PDCD5: variants seen among roughly 807,000 people sequenced by gnomAD.
PDCD5 encodes the protein programmed cell death 5, also known as programmed cell death protein 5.
In PDCD5, 23 loss-of-function variants were observed where a neutral mutation model predicts 21.9. That is an observed-to-expected ratio of 1.05 (90% CI 0.76 to 1.49). PDCD5 has a LOEUF of 1.49. Ranked by LOEUF, PDCD5 falls within the 40% of genes most tolerant of loss-of-function variation. The pLI is 0.00. For synonymous variants in PDCD5, 45 were observed against 49.4 expected (o/e 0.91, Z 0.37); for missense variants, 152 against 147.7 (o/e 1.03, Z -0.15).
chr19:32,581,359 CTCGCGGGGCG>C, intron 1 of PDCD5, 32 bp downstream of exon 1: 1 of 1,446,342 alleles, frequency 6.9e-7, no homozygotes. Context: ...AGGCTTGGCC[CTCGCGGGGCG>C]CCGCCCTCGC....
intron 5 of PDCD5, 78 bp downstream of exon 5, chr19:32,587,007 C>T (rs1971483834): frequency 8.2e-7 from 1 of 1,213,510 alleles, no homozygotes; most frequent in African/African-American, 1.5e-5. Flanking sequence ...ATCTACCACA[C>T]ATATTTTTCA....
chr19:32,582,323 ATTTTT>A, intron 2 of PDCD5, 91 bp downstream of exon 2: 1 of 1,188,782 alleles, frequency 8.4e-7, no homozygotes, highest in Non-Finnish European at 1.2e-6. Context: ...TGTGACTCAG[ATTTTT>A]TTGTTTTGCT....
chr19:32,586,120 T>G, intron 4 of PDCD5: 2 of 1,513,992 alleles, frequency 1.3e-6, no homozygotes, highest in Non-Finnish European at 1.8e-6. Flanking sequence ...CTCTGGAACC[T>G]TGTTGGTGTC....
In PDCD5 at chr19:32,587,235, AT is replaced by A. The variant is rs1188597659; in HGVS notation, c.331-15del. On this transcript the variant is annotated splice_polypyrimidine_tract_variant and intron_variant, in intron 5 of 5. Transcript: ENST00000590247. ...CTTTATTAGAAATGTTCTGACACTC[AT>A]TTAATTTTCCTCCCAGTTCAACAGA... 2 of 1,564,832 alleles carry A rather than the reference AT, an allele frequency of 1.3e-6. No homozygotes were observed. Among genetic ancestry groups the A allele is most frequent in the East Asian group, 2.2e-5 (1 of 44,654 alleles).
chr19:32,584,883 C>A, intron 2 of PDCD5, 67 bp from the exon 3 acceptor site: 1 of 1,308,150 alleles, frequency 7.6e-7, no homozygotes, highest in Non-Finnish European at 1.1e-6. Context: ...TGGGTTCTTT[C>A]TCGTATGTTA....
At position 32,581,214 on chromosome 19, in the gene PDCD5, G is replaced by C; in HGVS notation, c.-48G>C. On this transcript the variant is annotated 5_prime_UTR_variant, in exon 1 of 6. Transcript: ENST00000590247. ...CAGTGGTCAAGGCCGCGCTCGCGCCGAGGGGCTGCGAGAGTGACCGCGGCT... is the reference window on the plus strand; with the variant it reads ...CAGTGGTCAAGGCCGCGCTCGCGCCCAGGGGCTGCGAGAGTGACCGCGGCT... 3 of 1,386,094 alleles carry C rather than the reference G, an allele frequency of 2.2e-6. No homozygotes were observed. The highest frequency in any genetic ancestry group is 1.5e-5 in the African/African-American group (1 of 66,812). 85.9% of individuals were successfully genotyped at this position (1,386,094 alleles called of 1,614,324 possible). A position where few individuals can be genotyped will look rare whatever the true frequency, so the allele number is the denominator to read the frequency against.
chr19:32,582,094 C>G, intron 1 of PDCD5, 101 bp from the exon 2 acceptor site: 1 of 780,724 alleles, frequency 1.3e-6, no homozygotes, highest in Non-Finnish European at 2.2e-6. Flanking sequence ...TTGTTTCTAC[C>G]ACCGCAAGAG....
Position 32,584,965 on chromosome 19 carries a change from A to G in PDCD5, c.120A>G (p.Arg40=). The G allele has an allele frequency of 6.2e-7, 1 of 1,613,868 alleles. No homozygotes were observed. The highest frequency in any genetic ancestry group is 8.5e-7 in the Non-Finnish European group (1 of 1,179,730). ...TTCGTTGTAGGGAAGCAGAAATGAG[A>G]AACAGTATCTTAGCCCAAGTTCTGG... ...QEAKHREAEM[R]NSILAQVLDQ... is the part of the protein sequence containing the mutation. Residue 40 remains arginine (R), a synonymous_variant, in exon 3 of 6, where the codon AGA becomes AGG. Transcript: ENST00000590247.
At chr19:32,584,365 A>G (rs1056593559) in intron 2 of PDCD5, among the ~76,000 whole-genome samples, 4 of 152,362 alleles carry the variant, frequency 2.6e-5, no homozygotes, top group South Asian at 2.1e-4. Context: ...AAACAAGTCC[A>G]TGAGACCACT....
chr19:32,581,340 G>C lies in PDCD5; in HGVS notation c.66+13G>C. ...GGCCAAACACGGGGTGAGCGCATCAGCCCCCGCCAGGCTTGGCCCTCGCGG... is the reference window on the plus strand; with the variant it reads ...GGCCAAACACGGGGTGAGCGCATCACCCCCCGCCAGGCTTGGCCCTCGCGG... On this transcript the variant is annotated intron_variant, in intron 1 of 5. Transcript: ENST00000590247. The C allele has an allele frequency of 6.8e-7, 1 of 1,479,084 alleles. No homozygotes were observed. The allele number at this position is 1,479,084 out of a possible 1,614,324, so 91.6% of individuals were successfully genotyped here.
Position 32,581,241 on chromosome 19 carries a change from C to A in PDCD5, c.-21C>A. ...GGGGCTGCGAGAGTGACCGCGGCTGCTCCAGCGCTGACGCCGAGCCATGGC... is the reference window on the plus strand; with the variant it reads ...GGGGCTGCGAGAGTGACCGCGGCTGATCCAGCGCTGACGCCGAGCCATGGC... On this transcript the variant is annotated 5_prime_UTR_variant, in exon 1 of 6. Transcript: ENST00000590247. 6.7e-7 allele frequency: 1 copy of A among 1,491,672 alleles called. No individual in the cohort carries two copies. The highest frequency in any genetic ancestry group is 2.8e-5 in the East Asian group (1 of 35,776). 92.4% of individuals were successfully genotyped at this position (1,491,672 alleles called of 1,614,324 possible).
intron 3 of PDCD5, 102 bp downstream of exon 3, chr19:32,585,113 C>A (rs1356459634): frequency 2.3e-6 from 2 of 864,976 alleles, no homozygotes; most frequent in Non-Finnish European, 2.0e-6. Context: ...TTTGCTTAGG[C>A]TGAAAACACT....
intron 4 of PDCD5, chr19:32,586,467 G>A (rs757621258): frequency 3.4e-5 from 38 of 1,103,354 alleles, no homozygotes; most frequent in Non-Finnish European, 4.2e-5. Flanking sequence ...GATCTTTTCC[G>A]AGTGTGACTT....
intron 5 of PDCD5, 86 bp downstream of exon 5, chr19:32,587,015 T>TC: frequency 8.4e-7 from 1 of 1,193,772 alleles, no homozygotes; most frequent in South Asian, 1.4e-5. Flanking sequence ...CACATATTTT[T>TC]CAGCCCAGAG....
Position 32,584,935 on chromosome 19 carries a change from A to G in PDCD5, c.105-15A>G, listed in dbSNP as rs374818309. Reference sequence around the variant, plus strand: ...GCTGTGTTTTAATTGTGTTTGACCTATGTTTTCGTTGTAGGGAAGCAGAAA... The same window carrying G: ...GCTGTGTTTTAATTGTGTTTGACCTGTGTTTTCGTTGTAGGGAAGCAGAAA... On this transcript the variant is annotated splice_polypyrimidine_tract_variant and intron_variant, in intron 2 of 5. Transcript: ENST00000590247. 35 of 1,609,280 alleles carry G rather than the reference A, an allele frequency of 2.2e-5. No individual in the cohort carries two copies. The African/African-American group carries it at 2.5e-4, about 12-fold the overall frequency.
rs1430894630 is a variant in PDCD5 at position 32,586,854 on chromosome 19, C to T, written c.259-4C>T. 1 of 1,600,056 alleles carries T rather than the reference C, an allele frequency of 6.2e-7. No homozygotes were observed. ...GTTTTTCTTATCTTTTCTGGTTCTC[C>T]TAGGTATCAGAACAAGGTTTAATAG... On this transcript the variant is annotated splice_polypyrimidine_tract_variant and splice_region_variant and intron_variant, in intron 4 of 5. Coordinates refer to ENST00000590247, the MANE Select transcript of PDCD5 (RefSeq NM_004708.4).
chr19:32,584,787 A>T, intron 2 of PDCD5, 163 bp from the exon 3 acceptor site: 1 of 638,630 alleles, frequency 1.6e-6, no homozygotes, highest in Non-Finnish European at 2.8e-6. Flanking sequence ...AGGGGATTCT[A>T]CTTGAATGTA....
intron 2 of PDCD5, among the ~76,000 whole-genome samples, chr19:32,584,443 A>T (rs1267775428): frequency 6.6e-6 from 1 of 152,200 alleles, no homozygotes; most frequent in Non-Finnish European, 1.5e-5. Flanking sequence ...GCAAAGTTAT[A>T]ATTTCATTCC....
Position 32,582,315 on chromosome 19 carries a change from T to C in PDCD5, c.104+83T>C, listed in dbSNP as rs182585250. 19 of 1,240,450 alleles carry C rather than the reference T, an allele frequency of 1.5e-5. No homozygotes were observed. The African/African-American group carries it at 1.9e-4, about 13-fold the overall frequency. The allele number at this position is 1,240,450 out of a possible 1,614,324, so 76.8% of individuals were successfully genotyped here. A position where few individuals can be genotyped will look rare whatever the true frequency, so the allele number is the denominator to read the frequency against. On this transcript the variant is annotated intron_variant, in intron 2 of 5. Transcript: ENST00000590247. ...GCTGTAGTTATTTTAAGCAGGTGTG[T>C]GACTCAGATTTTTTTGTTTTGCTGG...
Sources: gnomAD v4.1 joint callset for allele counts (sites outside exome capture counted in the v4.1 genomes callset) on GRCh38, gnomAD v4.1.1 for gene constraint, MANE v1.5 for transcripts, NCBI Gene and HGNC (gene_info 2026-07-23, HGNC 2026-07-21) for gene names.